ERC1: variants seen among roughly 807,000 people sequenced by gnomAD.
ERC1 encodes ELKS/RAB6-interacting/CAST family member 1.
Under a neutral mutation model 132.0 loss-of-function variants are expected in ERC1, and 56 were observed. That is an observed-to-expected ratio of 0.42 (90% CI 0.34 to 0.53). The LOEUF is 0.53. ERC1 is among the 20% of genes least tolerant of loss of function. ERC1 has a pLI of 0.03. For synonymous variants in ERC1, 478 were observed against 476.1 expected (o/e 1.00, Z -0.05); for missense variants, 1,202 against 1,349.9 (o/e 0.89, Z 1.72).
At chr12:1,228,363 T>TTCTTTTTAG (rs772044343) in intron 12 of ERC1, among the ~76,000 whole-genome samples, 14 of 151,434 alleles carry the variant, frequency 9.2e-5, no homozygotes, top group African/African-American at 2.7e-4. Flanking sequence ...TATACAAAAA[T>TTCTTTTTAG]ATACAACTAA....
intron 2 of ERC1, among the ~76,000 whole-genome samples, chr12:1,067,417 T>C (rs1160956561): frequency 6.6e-6 from 1 of 152,220 alleles, no homozygotes; most frequent in East Asian, 1.9e-4. Context: ...AGGAGATTAC[T>C]TGGATAGCAC....
At chr12:1,274,636 G>A (rs1436281160) in intron 14 of ERC1, among the ~76,000 whole-genome samples, 1 of 152,124 alleles carries the variant, frequency 6.6e-6, no homozygotes, top group South Asian at 2.1e-4. Flanking sequence ...GGGATTACAG[G>A]CATGCATCAC....
chr12:1,482,130 C>A (rs938705109), intron 18 of ERC1, among the ~76,000 whole-genome samples: 2 of 152,172 alleles, frequency 1.3e-5, no homozygotes, highest in African/African-American at 4.8e-5. Flanking sequence ...CCATGTCTGG[C>A]CAGCCCGGGG....
intron 15 of ERC1, among the ~76,000 whole-genome samples, chr12:1,343,363 T>G (rs2084105338): frequency 6.6e-6 from 1 of 152,226 alleles, no homozygotes; most frequent in Admixed American, 6.5e-5. Context: ...AGCTTTGGTG[T>G]TAGTCTTTAT....
chr12:1,052,003 G>T (rs12304497), intron 2 of ERC1, among the ~76,000 whole-genome samples: 1,279 of 48,838 alleles, frequency 0.026, 142 homozygotes, highest in African/African-American at 0.12. Context: ...CCTTATGATC[G>T]CCTCTGCTCC....
intron 7 of ERC1, among the ~76,000 whole-genome samples, chr12:1,133,291 T>A (rs983793183): frequency 2.0e-5 from 3 of 152,202 alleles, no homozygotes; most frequent in Non-Finnish European, 4.4e-5. Flanking sequence ...ATTATGTGAT[T>A]TATTTATTTT....
chr12:1,230,004 CTTTTT>C (rs754220477), intron 12 of ERC1, among the ~76,000 whole-genome samples: 1 of 107,790 alleles, frequency 9.3e-6, no homozygotes, highest in African/African-American at 3.9e-5. Context: ...CTTTTTGACT[CTTTTT>C]TTTTTTTTTT....
intron 16 of ERC1, among the ~76,000 whole-genome samples, chr12:1,388,439 A>G (rs911227339): frequency 5.3e-5 from 8 of 151,962 alleles, no homozygotes; most frequent in Admixed American, 4.6e-4. Flanking sequence ...TTGCTGAAGC[A>G]TGAAGCATCC....
At chr12:1,110,930 C>G (rs1181254452) in intron 5 of ERC1, among the ~76,000 whole-genome samples, 1 of 152,086 alleles carries the variant, frequency 6.6e-6, no homozygotes, top group Non-Finnish European at 1.5e-5. Context: ...TCTTGAACTC[C>G]TGACCTCAGG....
chr12:1,388,416 A>G (rs1347968986), intron 16 of ERC1, among the ~76,000 whole-genome samples: 1 of 151,726 alleles, frequency 6.6e-6, no homozygotes, highest in East Asian at 1.9e-4. Flanking sequence ...CAGAGGGATC[A>G]TTGTGGCCAG....
chr12:1,289,691 T>C (rs1594794262), intron 14 of ERC1, among the ~76,000 whole-genome samples, 161 bp from the exon 15 acceptor site: 1 of 152,164 alleles, frequency 6.6e-6, no homozygotes, highest in East Asian at 1.9e-4. Context: ...TATTGATTCT[T>C]GATATATACA....
intron 12 of ERC1, among the ~76,000 whole-genome samples, chr12:1,221,908 C>T (rs979718209): frequency 1.3e-5 from 2 of 152,110 alleles, no homozygotes; most frequent in Non-Finnish European, 2.9e-5. Flanking sequence ...ATGATAGGTT[C>T]TGAGAAACAT....
chr12:1,309,047 C>A (rs1424547386), intron 15 of ERC1, among the ~76,000 whole-genome samples: 1 of 152,196 alleles, frequency 6.6e-6, no homozygotes, highest in African/African-American at 2.4e-5. Flanking sequence ...AGAAAGCGGA[C>A]TGTCACCAGA....
intron 7 of ERC1, among the ~76,000 whole-genome samples, chr12:1,134,711 T>C (rs1045829276): frequency 6.7e-6 from 1 of 150,158 alleles, no homozygotes; most frequent in African/African-American, 2.5e-5. Flanking sequence ...AACTCAATAA[T>C]TGGGGGTCCT....
intron 17 of ERC1, chr12:1,410,288 C>T (rs561395099): frequency 4.6e-6 from 2 of 437,718 alleles, no homozygotes; most frequent in East Asian, 7.1e-5. Context: ...AAATTCTCTT[C>T]TGCTACATTA....
At chr12:1,413,473 A>T (rs2091952079) in intron 17 of ERC1, among the ~76,000 whole-genome samples, 1 of 152,160 alleles carries the variant, frequency 6.6e-6, no homozygotes, top group African/African-American at 2.4e-5. Context: ...AGGCACCTGT[A>T]GTCCCAGCTA....
intron 11 of ERC1, 74 bp downstream of exon 11, chr12:1,183,495 A>G (rs1185862458): frequency 7.0e-6 from 7 of 1,003,314 alleles, no homozygotes; most frequent in Non-Finnish European, 9.8e-6. Flanking sequence ...GCATGTTTAT[A>G]TGGAATAATT....
rs184872501 is a variant in ERC1, at chr12:1,451,095, G to A, written c.3213+6345G>A. Among the ~76,000 whole-genome samples, 378 of 152,116 alleles carry A rather than the reference G, an allele frequency of 2.5e-3. 1 individual carries two copies. The highest frequency in any genetic ancestry group is 8.7e-3 in the African/African-American group (360 of 41,498). On this transcript the variant is annotated intron_variant, in intron 18 of 18. Transcript: ENST00000360905. Reference sequence around the variant, plus strand: ...ATACGATTTGCAAATATTTTCTCCCGTTCTGTGGTTATCTTCTCACTGTTA... The same window carrying A: ...ATACGATTTGCAAATATTTTCTCCCATTCTGTGGTTATCTTCTCACTGTTA...
At chr12:1,269,933 C>T (rs932461869) in intron 14 of ERC1, among the ~76,000 whole-genome samples, 6 of 152,114 alleles carry the variant, frequency 3.9e-5, no homozygotes, top group African/African-American at 1.2e-4. Flanking sequence ...GACAATTCAG[C>T]ATATTGGTGT....
Sources: allele counts gnomAD v4.1 joint callset (sites outside exome capture counted in the v4.1 genomes callset), GRCh38; gene constraint gnomAD v4.1.1; transcripts MANE v1.5; gene names NCBI Gene and HGNC (gene_info 2026-07-23, HGNC 2026-07-21).